Variants in KIRREL3 observed in about 807,000 individuals in gnomAD.
KIRREL3 encodes kin of IRRE-like protein 3.
Under a neutral mutation model 89.7 loss-of-function variants are expected in KIRREL3, and 36 were observed. That is an observed-to-expected ratio of 0.40 (90% CI 0.31 to 0.53). The LOEUF (loss-of-function observed/expected upper bound fraction) is 0.53. Among genes scored for constraint, KIRREL3 ranks in the 20% least tolerant of loss-of-function variants. The pLI is 0.49. For synonymous variants in KIRREL3, 445 were observed against 441.4 expected, an observed-to-expected ratio of 1.01 and a Z score of -0.10; for missense variants, 864 against 1,056.6, an observed-to-expected ratio of 0.82 and a Z score of 2.53.
At chr11:126,464,373 A>T (rs201673644) in intron 5 of KIRREL3, among the ~76,000 whole-genome samples, 2 of 107,612 alleles carry the variant, frequency 1.9e-5, no homozygotes, top group Middle Eastern at 4.8e-3. Flanking sequence ...GAAAAAAATT[A>T]AAAAAAAATT....
chr11:126,803,878 T>C (rs1342873326), intron 1 of KIRREL3, among the ~76,000 whole-genome samples: 1 of 152,296 alleles, frequency 6.6e-6, no homozygotes, highest in Non-Finnish European at 1.5e-5. Flanking sequence ...AACATCTATA[T>C]CTGTTGCCAA....
rs80048316 is a variant in KIRREL3, at chr11:126,837,368, G to A, written c.55+163087C>T. Among the ~76,000 whole-genome samples the A allele has an allele frequency of 7.9e-4, 121 of 152,246 alleles. No homozygotes were observed. The highest frequency in any genetic ancestry group is 2.3e-3 in the Admixed American group (35 of 15,292). Reference sequence around the variant, plus strand: ...AAGAAGAAAATTATCAAATATAGCTGAGATAATATTTCAAAACTCTGAATT... The same window carrying A: ...AAGAAGAAAATTATCAAATATAGCTAAGATAATATTTCAAAACTCTGAATT... On this transcript the variant is annotated intron_variant, in intron 1 of 16. Transcript: ENST00000525144. The surrounding 1 kb of genome is among the most constrained non-coding windows in gnomAD (Gnocchi z 4.7).
At position 126,588,047 on chromosome 11, in the gene KIRREL3, T is replaced by C. The variant is rs552856990; in HGVS notation, c.56-25135A>G. Among the ~76,000 whole-genome samples, 15 of 152,304 alleles carry C rather than the reference T, an allele frequency of 9.8e-5. No individual in the cohort carries two copies. In the South Asian group the frequency reaches 2.9e-3, roughly 29 times the overall value. ...GTAGATTGGGGACAAGTCCTATATC[T>C]GCCGTTTGCTAGCTGTGTGACCTCA... On this transcript the variant is annotated intron_variant, in intron 1 of 16. Coordinates refer to ENST00000525144, the MANE Select transcript of KIRREL3 (RefSeq NM_032531.4).
chr11:126,737,995 T>G (rs1948860285), intron 1 of KIRREL3, among the ~76,000 whole-genome samples: 1 of 152,192 alleles, frequency 6.6e-6, no homozygotes, highest in Non-Finnish European at 1.5e-5. Flanking sequence ...TTGTCCTTCC[T>G]CATTAACCAT....
In KIRREL3 at chr11:126,490,322, G is replaced by C. The variant is rs1413655953; in HGVS notation, c.434-16856C>G. On this transcript the variant is annotated intron_variant, in intron 4 of 16. Coordinates refer to ENST00000525144, the MANE Select transcript of KIRREL3 (RefSeq NM_032531.4). The surrounding 1 kb of genome is among the most constrained non-coding windows in gnomAD (Gnocchi z 4.2). ...TAATTTGCATTCACTGGACACAGCC[G>C]CTAGGGAGAGGTGAGCAGAGCTTTC... Among the ~76,000 whole-genome samples the C allele has an allele frequency of 6.6e-6, 1 of 152,084 alleles. No individual in the cohort carries two copies. Among genetic ancestry groups the C allele is most frequent in the Non-Finnish European group, 1.5e-5 (1 of 68,030 alleles).
chr11:126,632,876 G>A (rs1944103020), intron 1 of KIRREL3, among the ~76,000 whole-genome samples: 2 of 134,454 alleles, frequency 1.5e-5, no homozygotes, highest in African/African-American at 5.5e-5. Flanking sequence ...CAGATCACTT[G>A]AGGTCAGGAT....
chr11:126,920,864 C>T (rs1437023957), intron 1 of KIRREL3, among the ~76,000 whole-genome samples: 5 of 152,182 alleles, frequency 3.3e-5, no homozygotes, highest in Non-Finnish European at 7.3e-5. Context: ...ATGCTGAGAG[C>T]TGCTAGACAA....
chr11:126,998,095 G>A (rs1051013494), intron 1 of KIRREL3, among the ~76,000 whole-genome samples: 1 of 152,168 alleles, frequency 6.6e-6, no homozygotes. Flanking sequence ...AGACATGGAT[G>A]CGTTCTATCC....
rs1474795091 is a variant in KIRREL3, at chr11:126,571,825, T to G, written c.56-8913A>C. On this transcript the variant is annotated intron_variant, in intron 1 of 16. Transcript: ENST00000525144. The surrounding 1 kb of genome is among the most constrained non-coding windows in gnomAD (Gnocchi z 7.7). ...TTACGGGAAACAGTTTTATCCCATG[T>G]GCAAGGATGCCTCAGCCCGTCTCTG... Among the ~76,000 whole-genome samples, 1 of 152,246 alleles carries G rather than the reference T, an allele frequency of 6.6e-6. No individual in the cohort carries two copies. The highest frequency in any genetic ancestry group is 6.5e-5 in the Admixed American group (1 of 15,290).
chr11:126,552,310 C>T (rs368846116), intron 2 of KIRREL3, among the ~76,000 whole-genome samples: 7 of 152,274 alleles, frequency 4.6e-5, no homozygotes, highest in South Asian at 2.1e-4. Context: ...GGGAAGGTTA[C>T]GTAAGTTCCA....
chr11:126,893,536 C>A (rs79843149), intron 1 of KIRREL3, among the ~76,000 whole-genome samples: 2 of 152,174 alleles, frequency 1.3e-5, no homozygotes, highest in Admixed American at 1.3e-4. Flanking sequence ...ATGACCTAAA[C>A]GGAAACATTG....
chr11:126,966,287 C>T (rs1359202046), intron 1 of KIRREL3, among the ~76,000 whole-genome samples: 2 of 151,998 alleles, frequency 1.3e-5, no homozygotes, highest in East Asian at 1.9e-4. Context: ...AGGAAAAAGT[C>T]GGCAAAAGCA....
chr11:126,586,769 G>C (rs1035852591), intron 1 of KIRREL3, among the ~76,000 whole-genome samples: 1 of 152,080 alleles, frequency 6.6e-6, no homozygotes, highest in African/African-American at 2.4e-5. Flanking sequence ...GAAGGCACTG[G>C]GTCAGGAGCT....
chr11:126,506,946 C>T (rs1958039307), intron 4 of KIRREL3, among the ~76,000 whole-genome samples: 1 of 152,048 alleles, frequency 6.6e-6, no homozygotes, highest in Non-Finnish European at 1.5e-5. Flanking sequence ...TTATAATAGC[C>T]CCAAACTGGA....
At chr11:126,573,953 C>G (rs1238164905) in intron 1 of KIRREL3, among the ~76,000 whole-genome samples, 1 of 152,132 alleles carries the variant, frequency 6.6e-6, no homozygotes, top group Non-Finnish European at 1.5e-5. Context: ...CTGGACCCTG[C>G]TCCTGATTCT....
intron 1 of KIRREL3, among the ~76,000 whole-genome samples, chr11:126,679,395 A>G (rs1591945631): frequency 6.6e-6 from 1 of 152,216 alleles, no homozygotes; most frequent in African/African-American, 2.4e-5. Flanking sequence ...ATTGAGCAGC[A>G]TATGCGTGTC....
Position 126,492,670 on chromosome 11 carries a change from CT to C in KIRREL3, c.434-19205del, listed in dbSNP as rs1565496967. ...CCTATCAAACTTTGATAAATTGACT[CT>C]GAAAGGGCCTTTTCTTCCAAGCAGT... On this transcript the variant is annotated intron_variant, in intron 4 of 16. Coordinates refer to ENST00000525144, the MANE Select transcript of KIRREL3 (RefSeq NM_032531.4). The surrounding 1 kb of genome is among the most constrained non-coding windows in gnomAD (Gnocchi z 4.8). Among the ~76,000 whole-genome samples, 2 of 152,160 alleles carry C rather than the reference CT, an allele frequency of 1.3e-5. No homozygotes were observed. The highest frequency in any genetic ancestry group is 3.9e-4 in the East Asian group (2 of 5,168).
Position 126,736,020 on chromosome 11 carries a change from C to G in KIRREL3, c.56-173108G>C, listed in dbSNP as rs933121837. ...TTTATGAATCCTCAATTAGTCCTGA[C>G]TTTGCTTGAGAGTTTTTATGAAACT... On this transcript the variant is annotated intron_variant, in intron 1 of 16. Coordinates refer to ENST00000525144, the MANE Select transcript of KIRREL3 (RefSeq NM_032531.4). The surrounding 1 kb of genome is among the most constrained non-coding windows in gnomAD (Gnocchi z 5.0). Among the ~76,000 whole-genome samples the G allele has an allele frequency of 1.3e-5, 2 of 152,198 alleles. No homozygotes were observed. The highest frequency in any genetic ancestry group is 2.9e-5 in the Non-Finnish European group (2 of 68,042).
At position 126,459,761 on chromosome 11, in the gene KIRREL3, C is replaced by A. The variant is rs1956485572; in HGVS notation, c.743-3307G>T. On this transcript the variant is annotated intron_variant, in intron 6 of 16. Transcript: ENST00000525144. The surrounding 1 kb of genome is among the most constrained non-coding windows in gnomAD (Gnocchi z 4.8). ...GTGTGTGTTTTCAGGGGAAGTATTA[C>A]ATGGAGGAGAGGGTGGGAAAAGAGA... Among the ~76,000 whole-genome samples the A allele has an allele frequency of 6.6e-6, 1 of 152,038 alleles. No individual in the cohort carries two copies. The highest frequency in any genetic ancestry group is 1.5e-5 in the Non-Finnish European group (1 of 68,018).
Sources: gnomAD v4.1 joint callset for allele counts (sites outside exome capture counted in the v4.1 genomes callset) on GRCh38, gnomAD v4.1.1 for gene constraint, Gnocchi (gnomAD v3.1) non-coding constraint, MANE v1.5 for transcripts, NCBI Gene and HGNC (gene_info 2026-07-23, HGNC 2026-07-21) for gene names.